MEGF11: variants seen among roughly 807,000 people sequenced by gnomAD.
The protein encoded by MEGF11 is multiple epidermal growth factor-like domains protein 11.
A neutral mutation model predicts 146.6 loss-of-function variants in MEGF11; 126 were observed. The ratio of observed to expected loss-of-function variants is 0.86; its 90% CI spans 0.74 to 1.00. The LOEUF (loss-of-function observed/expected upper bound fraction) is 1.00, where lower values mean the gene tolerates loss of function less well. MEGF11 is among the 50% of genes least tolerant of loss of function. The probability of loss-of-function intolerance (pLI) is 0.00; values close to 1 mark genes in which losing one functional copy is unlikely to be tolerated. For missense variants in MEGF11, 1,509 were observed against 1,521.2 expected, an observed-to-expected ratio of 0.99 and a Z score of 0.13; for synonymous variants, 532 against 583.4, an observed-to-expected ratio of 0.91 and a Z score of 1.27.
intron 6 of MEGF11, among the ~76,000 whole-genome samples, chr15:65,981,544 G>A (rs1263595201): frequency 6.6e-6 from 1 of 152,174 alleles, no homozygotes; most frequent in South Asian, 2.1e-4. Flanking sequence ...AATCAACAAC[G>A]TCTCTGTGGT....
chr15:65,917,817 T>C, intron 16 of MEGF11, 149 bp downstream of exon 16: 1 of 825,076 alleles, frequency 1.2e-6, no homozygotes. Context: ...TCATGTTAGC[T>C]ATAGAGCTAA....
intron 10 of MEGF11, among the ~76,000 whole-genome samples, chr15:65,933,824 G>A (rs2079664243): frequency 6.6e-6 from 1 of 152,160 alleles, no homozygotes; most frequent in African/African-American, 2.4e-5. Flanking sequence ...GACATCCCCT[G>A]AGCCTCAGTT....
intron 11 of MEGF11, among the ~76,000 whole-genome samples, chr15:65,930,236 T>C (rs975232353): frequency 6.6e-6 from 1 of 152,158 alleles, no homozygotes; most frequent in East Asian, 1.9e-4. Flanking sequence ...ATTCTTAGGC[T>C]GGTCACTGGC....
At chr15:65,943,982 T>G (rs900994677) in intron 10 of MEGF11, among the ~76,000 whole-genome samples, 9 of 148,734 alleles carry the variant, frequency 6.1e-5, no homozygotes, top group African/African-American at 1.0e-4. Flanking sequence ...AGCCAGACTG[T>G]GGGGGACAGA....
At chr15:66,073,313 C>A (rs901941558) in intron 5 of MEGF11, among the ~76,000 whole-genome samples, 1 of 152,144 alleles carries the variant, frequency 6.6e-6, no homozygotes, top group Non-Finnish European at 1.5e-5. Context: ...TGAGGATGGG[C>A]GGTGGAAGTG....
rs1431888430 is a variant in MEGF11, at chr15:66,253,593, T to C, written c.-9+12A>G. ...GACTCCGCGTCCTCGCGGTCCCCAC[T>C]CAGCCACCTACCTGCTCCCGCGGCC... is the stretch of plus-strand genomic sequence containing the variant. On this transcript the variant is annotated intron_variant, in intron 1 of 25. Transcript: ENST00000395614. The C allele has an allele frequency of 2.9e-5, 4 of 138,438 alleles. No homozygotes were observed. The highest frequency in any genetic ancestry group is 7.7e-5 in the Admixed American group (1 of 13,032). 8.6% of individuals were successfully genotyped at this position (138,438 alleles called of 1,614,324 possible).
chr15:66,021,947 G>A (rs1332695017), intron 5 of MEGF11, among the ~76,000 whole-genome samples: 1 of 152,232 alleles, frequency 6.6e-6, no homozygotes, highest in Non-Finnish European at 1.5e-5. Context: ...GGGGGACAGG[G>A]CAGTCCAGGG....
At chr15:65,936,899 C>T (rs2079807724) in intron 10 of MEGF11, among the ~76,000 whole-genome samples, 1 of 152,200 alleles carries the variant, frequency 6.6e-6, no homozygotes, top group South Asian at 2.1e-4. Context: ...TCTGAGCCTC[C>T]ATGGGGCTCT....
At chr15:66,106,939 C>T (rs2087110528) in intron 4 of MEGF11, among the ~76,000 whole-genome samples, 1 of 152,182 alleles carries the variant, frequency 6.6e-6, no homozygotes, top group South Asian at 2.1e-4. Flanking sequence ...CCCCACCTTC[C>T]TATCATCCAG....
intron 20 of MEGF11, 75 bp downstream of exon 20, chr15:65,913,662 C>A: frequency 7.4e-7 from 1 of 1,359,026 alleles, no homozygotes; most frequent in South Asian, 1.3e-5. Context: ...AGCAGCCAAC[C>A]CTACAGGCAC....
At chr15:65,914,604 G>A (rs2078929834) in intron 19 of MEGF11, among the ~76,000 whole-genome samples, 2 of 152,164 alleles carry the variant, frequency 1.3e-5, no homozygotes, top group Non-Finnish European at 2.9e-5. Flanking sequence ...CCATGCTGAT[G>A]CTTAGTCTAG....
At chr15:66,087,543 A>G (rs1206155910) in intron 5 of MEGF11, among the ~76,000 whole-genome samples, 2 of 152,250 alleles carry the variant, frequency 1.3e-5, no homozygotes, top group Non-Finnish European at 2.9e-5. Context: ...ATGTAAATAC[A>G]TGGACATTAA....
chr15:66,246,753 G>A (rs1285882076), intron 1 of MEGF11, among the ~76,000 whole-genome samples: 1 of 152,142 alleles, frequency 6.6e-6, no homozygotes, highest in Non-Finnish European at 1.5e-5. Context: ...CAAGGCTGCA[G>A]TGAGCTAAGA....
chr15:66,217,956 C>T (rs958008314), intron 1 of MEGF11, among the ~76,000 whole-genome samples: 1 of 152,160 alleles, frequency 6.6e-6, no homozygotes, highest in Non-Finnish European at 1.5e-5. Flanking sequence ...GTGGGAAATT[C>T]GGTGTCCTGA....
At chr15:66,110,770 C>A (rs1271768584) in intron 4 of MEGF11, among the ~76,000 whole-genome samples, 1 of 152,116 alleles carries the variant, frequency 6.6e-6, no homozygotes, top group East Asian at 1.9e-4. Context: ...GAGTTTTTAC[C>A]TAGCAGCTAG....
At chr15:66,160,748 A>G (rs1237496827) in intron 1 of MEGF11, among the ~76,000 whole-genome samples, 1 of 150,188 alleles carries the variant, frequency 6.7e-6, no homozygotes, top group African/African-American at 2.5e-5. Flanking sequence ...GCTCTATTCT[A>G]CTAGGGAGGA....
chr15:66,033,600 A>T (rs916779330), intron 5 of MEGF11, among the ~76,000 whole-genome samples: 29 of 152,238 alleles, frequency 1.9e-4, no homozygotes, highest in African/African-American at 6.3e-4. Context: ...AGGATGTAGC[A>T]GATGGTCTGG....
intron 5 of MEGF11, among the ~76,000 whole-genome samples, chr15:66,008,658 T>C (rs1043356633): frequency 3.9e-5 from 6 of 151,976 alleles, no homozygotes; most frequent in African/African-American, 7.3e-5. Context: ...GCCCTATCTC[T>C]ACAAAAATTT....
Position 66,120,922 on chromosome 15 carries a change from CTTTG to C in MEGF11, c.201-1740_201-1737del, listed in dbSNP as rs557016588. On this transcript the variant is annotated intron_variant, in intron 3 of 25. Coordinates refer to ENST00000395614, the MANE Select transcript of MEGF11 (RefSeq NM_001385028.1). ...ACCCAATTGTTTCTAGCTCACCCAT[CTTTG>C]TTTGTCCCTGTGCAGTTTGGAAAGC... Among the ~76,000 whole-genome samples, 599 of 152,276 alleles carry C rather than the reference CTTTG, an allele frequency of 3.9e-3. 1 individual carries two copies. The highest frequency in any genetic ancestry group is 0.017 in the Middle Eastern group (5 of 294).
Sources: allele counts gnomAD v4.1 joint callset (sites outside exome capture counted in the v4.1 genomes callset), GRCh38; gene constraint gnomAD v4.1.1; transcripts MANE v1.5; gene names NCBI Gene and HGNC (gene_info 2026-07-23, HGNC 2026-07-21).